LGSN: variants seen among roughly 807,000 people sequenced by gnomAD.
The protein encoded by LGSN is lengsin.
In LGSN, 21 loss-of-function variants were observed where a neutral mutation model predicts 19.5. That is an observed-to-expected ratio of 1.07 (90% CI 0.76 to 1.55). LGSN has a LOEUF of 1.55. Ranked by LOEUF, LGSN falls within the 40% of genes most tolerant of loss-of-function variation. The probability of loss-of-function intolerance (pLI) is 0.00; values close to 1 mark genes in which losing one functional copy is unlikely to be tolerated. For synonymous variants in LGSN, 257 were observed against 215.6 expected (o/e 1.19, Z -1.68); for missense variants, 673 against 608.5 (o/e 1.11, Z -1.12).
the LGSN span, among the ~76,000 whole-genome samples, chr6:63,406,037 G>A: frequency 6.6e-6 from 1 of 152,146 alleles, no homozygotes; most frequent in Non-Finnish European, 1.5e-5. Context: ...CAAGTCCTGA[G>A]TGACCTACAA....
At chr6:63,461,822 G>A in the LGSN span, among the ~76,000 whole-genome samples, 20 of 152,296 alleles carry the variant, frequency 1.3e-4, no homozygotes, top group East Asian at 3.7e-3. Context: ...TCAATGTCAG[G>A]AAACCAGAAG....
chr6:63,343,384 CA>C, the LGSN span, among the ~76,000 whole-genome samples: 1 of 152,074 alleles, frequency 6.6e-6, no homozygotes, highest in Non-Finnish European at 1.5e-5. Context: ...ACAGAAGAGT[CA>C]AAAAATGTAA....
Position 63,280,855 on chromosome 6 carries a change from T to C in LGSN, c.696A>G (p.Leu232=). The C allele has an allele frequency of 6.2e-7, 1 of 1,613,938 alleles. No homozygotes were observed. The highest frequency in any genetic ancestry group is 1.1e-5 in the South Asian group (1 of 91,078). Residue 232 remains leucine, a synonymous_variant, in exon 4 of 4, where the codon TTA becomes TTG. Coordinates refer to ENST00000370657, the MANE Select transcript of LGSN (RefSeq NM_016571.3). ...KIISFPALTF[L]NNHDQPFMQE... ...GCATGAAGGGCTGATCATGGTTATT[T>C]AAAAATGTTAAAGCAGGAAAAGATA...
the LGSN span, among the ~76,000 whole-genome samples, chr6:63,391,095 T>C: frequency 4.6e-5 from 7 of 152,182 alleles, no homozygotes; most frequent in South Asian, 2.1e-4. Context: ...ATAGCTCTAA[T>C]AGAATATGTA....
At chr6:63,544,255 T>C in the LGSN span, among the ~76,000 whole-genome samples, 1 of 152,224 alleles carries the variant, frequency 6.6e-6, no homozygotes, top group African/African-American at 2.4e-5. Context: ...AAAGAATTCC[T>C]GCCTATTTTC....
At chr6:63,427,654 A>G in the LGSN span, among the ~76,000 whole-genome samples, 1 of 152,220 alleles carries the variant, frequency 6.6e-6, no homozygotes, top group Non-Finnish European at 1.5e-5. Flanking sequence ...GCCTTTTCCC[A>G]GCAATTCAGA....
the LGSN span, among the ~76,000 whole-genome samples, chr6:63,449,275 A>T: frequency 6.6e-6 from 1 of 152,158 alleles, no homozygotes; most frequent in Non-Finnish European, 1.5e-5. Context: ...AAAGAAAAAG[A>T]CAGGCTGGGC....
the LGSN span, among the ~76,000 whole-genome samples, chr6:63,337,337 G>A: frequency 6.7e-6 from 1 of 150,024 alleles, no homozygotes; most frequent in East Asian, 2.0e-4. Flanking sequence ...GTGGCATAGG[G>A]CTGTAATCCC....
chr6:63,333,422 A>AAAAAGAAAAGAAAAGAAAAG, the LGSN span, among the ~76,000 whole-genome samples: 2 of 151,614 alleles, frequency 1.3e-5, no homozygotes, highest in African/African-American at 4.9e-5. Context: ...AACCAGGCAA[A>AAAAAGAAAAGAAAAGAAAAG]AAAAGAAAAG....
At chr6:63,392,881 CT>C in the LGSN span, among the ~76,000 whole-genome samples, 476 of 109,916 alleles carry the variant, frequency 4.3e-3, 1 homozygote, top group Admixed American at 7.9e-3. Flanking sequence ...TCTTCTTCTT[CT>C]TTTTTTTTTT....
chr6:63,547,711 CCA>C, the LGSN span, among the ~76,000 whole-genome samples: 3 of 149,692 alleles, frequency 2.0e-5, no homozygotes, highest in African/African-American at 7.4e-5. Context: ...CGGGGTTTCA[CCA>C]TGTTAGCCAG....
the LGSN span, among the ~76,000 whole-genome samples, chr6:63,377,959 A>G: frequency 6.6e-6 from 1 of 150,690 alleles, no homozygotes; most frequent in Non-Finnish European, 1.5e-5. Context: ...ATGAATAACA[A>G]GAAAGAAAAA....
intron 3 of LGSN, among the ~76,000 whole-genome samples, chr6:63,284,142 A>G (rs1302507332): frequency 6.6e-6 from 1 of 152,228 alleles, no homozygotes; most frequent in African/African-American, 2.4e-5. Flanking sequence ...GGCTTCTTAA[A>G]AAAATATAGA....
chr6:63,415,148 T>C, the LGSN span, among the ~76,000 whole-genome samples: 1 of 151,632 alleles, frequency 6.6e-6, no homozygotes, highest in Admixed American at 6.6e-5. Flanking sequence ...GGAGAAACCC[T>C]GAAACCCTGT....
the LGSN span, among the ~76,000 whole-genome samples, chr6:63,430,316 G>C: frequency 1.3e-5 from 2 of 152,078 alleles, no homozygotes; most frequent in African/African-American, 4.8e-5. Flanking sequence ...GAGAACAGCT[G>C]GTCTCTGGGT....
At chr6:63,419,880 CAA>C in the LGSN span, among the ~76,000 whole-genome samples, 3 of 57,328 alleles carry the variant, frequency 5.2e-5, no homozygotes, top group Non-Finnish European at 8.8e-5. Context: ...AACTCCCTCC[CAA>C]AAAAAAAAAA....
At chr6:63,449,068 AG>A in the LGSN span, among the ~76,000 whole-genome samples, 4 of 152,322 alleles carry the variant, frequency 2.6e-5, no homozygotes, top group East Asian at 5.8e-4. Flanking sequence ...ATTTTATATA[AG>A]GAACTTGAGT....
At chr6:63,372,949 A>G in the LGSN span, among the ~76,000 whole-genome samples, 51 of 152,250 alleles carry the variant, frequency 3.3e-4, no homozygotes, top group African/African-American at 1.1e-3. Flanking sequence ...TCTTTCTACA[A>G]TTTTTTACAT....
At chr6:63,370,841 C>T in the LGSN span, among the ~76,000 whole-genome samples, 1 of 152,154 alleles carries the variant, frequency 6.6e-6, no homozygotes, top group African/African-American at 2.4e-5. Context: ...AATGCTATGG[C>T]TAGTAGAGAA....
Sources: gnomAD v4.1 joint callset for allele counts (sites outside exome capture counted in the v4.1 genomes callset) on GRCh38, gnomAD v4.1.1 for gene constraint, MANE v1.5 for transcripts, NCBI Gene and HGNC (gene_info 2026-07-23, HGNC 2026-07-21) for gene names.